Variants in SEM1 observed in about 807,000 individuals in gnomAD.
SEM1 encodes the protein 26S proteasome complex subunit SEM1.
A neutral mutation model predicts 12.7 loss-of-function variants in SEM1; 3 were observed. The ratio of observed to expected loss-of-function variants is 0.24; its 90% CI spans 0.11 to 0.61. SEM1 has a LOEUF of 0.61. Ranked by LOEUF, SEM1 falls within the 20% of genes least tolerant of loss-of-function variation. The pLI is 0.88. For synonymous variants in SEM1, 30 were observed against 27.8 expected, an observed-to-expected ratio of 1.08 and a Z score of -0.25; for missense variants, 59 against 81.3, an observed-to-expected ratio of 0.73 and a Z score of 1.06.
chr7:96,628,956 C>A (rs1386539717), intron 2 of SEM1, among the ~76,000 whole-genome samples: 1 of 152,118 alleles, frequency 6.6e-6, no homozygotes, highest in African/African-American at 2.4e-5. Context: ...CACTTAATTA[C>A]GTCATGCCCC....
chr7:96,483,933 C>G (rs1802647574), exon 4 of SEM1: 1 of 1,536,268 alleles, frequency 6.5e-7, no homozygotes, highest in African/African-American at 1.4e-5. Flanking sequence ...GAACAATCTT[C>G]ACAGTGCACC....
intron 2 of SEM1, among the ~76,000 whole-genome samples, chr7:96,562,514 AAAAATT>A (rs1349776817): frequency 6.6e-6 from 1 of 152,218 alleles, no homozygotes; most frequent in Non-Finnish European, 1.5e-5. Flanking sequence ...GCGCTACGCT[AAAAATT>A]AAAAAATAAT....
rs1166809729 is a variant in SEM1, at chr7:96,709,790, C to G, written c.-27G>C. On this transcript the variant is annotated 5_prime_UTR_variant, in exon 1 of 3. Transcript: ENST00000248566. ...TCGACTGTCCGCGCCCAACACCTCC[C>G]AGATAAGCAGAAAAGTTGGAACCCT... is the stretch of plus-strand genomic sequence containing the variant. 1 of 1,611,550 alleles carries G rather than the reference C, an allele frequency of 6.2e-7. No individual in the cohort carries two copies. The highest frequency in any genetic ancestry group is 1.1e-5 in the South Asian group (1 of 90,984).
chr7:96,690,802 G>A (rs571180868), intron 2 of SEM1, among the ~76,000 whole-genome samples: 4 of 152,106 alleles, frequency 2.6e-5, no homozygotes, highest in East Asian at 3.9e-4. Flanking sequence ...ATGGAGTCTC[G>A]CTCTGTTGCC....
intron 1 of SEM1, among the ~76,000 whole-genome samples, chr7:96,704,405 TATATA>T (rs1298761162): frequency 3.9e-5 from 6 of 152,160 alleles, no homozygotes; most frequent in African/African-American, 1.4e-4. Flanking sequence ...ACAATTATCC[TATATA>T]ATATACTACA....
chr7:96,552,516 G>T (rs1805317672), intron 2 of SEM1, among the ~76,000 whole-genome samples: 1 of 150,114 alleles, frequency 6.7e-6, no homozygotes, highest in South Asian at 2.2e-4. Flanking sequence ...CAAAGGATAT[G>T]AACTCATCAT....
exon 4 of SEM1, chr7:96,483,635 A>G (rs569193660): frequency 6.0e-5 from 32 of 534,888 alleles, no homozygotes; most frequent in African/African-American, 5.5e-4. Flanking sequence ...GTGATGACAG[A>G]GGGAAAGAGC....
At chr7:96,540,603 T>C (rs1336750570) in intron 2 of SEM1, among the ~76,000 whole-genome samples, 2 of 151,838 alleles carry the variant, frequency 1.3e-5, no homozygotes, top group South Asian at 4.1e-4. Context: ...GAAAACACTG[T>C]TACTTTTTAA....
At chr7:96,571,905 G>T (rs1304761657) in intron 2 of SEM1, among the ~76,000 whole-genome samples, 1 of 151,964 alleles carries the variant, frequency 6.6e-6, no homozygotes, top group African/African-American at 2.4e-5. Flanking sequence ...CTGTGAATCC[G>T]TCTGGTCCTG....
chr7:96,612,857 G>A (rs1388301716), intron 2 of SEM1, among the ~76,000 whole-genome samples: 3 of 152,074 alleles, frequency 2.0e-5, no homozygotes, highest in African/African-American at 4.8e-5. Flanking sequence ...GGATGGTCTC[G>A]ATCTCCTGAA....
chr7:96,659,913 C>CAAAA (rs71529826), intron 2 of SEM1, among the ~76,000 whole-genome samples: 7,656 of 66,002 alleles, frequency 0.12, 272 homozygotes, highest in East Asian at 0.16. Context: ...AGTAAGATGG[C>CAAAA]AAAAAAAAAA....
In SEM1 at chr7:96,573,560, A is replaced by G. The variant is rs188471964; in HGVS notation, c.171-66862T>C. ...TGGCTGGATTTGAGATTCTGGGTTG[A>G]AAATTCTTTTCTTTAAGAATGTTGA... On this transcript the variant is annotated intron_variant and NMD_transcript_variant, in intron 2 of 3. Transcript: ENST00000466986. Among the ~76,000 whole-genome samples the G allele has an allele frequency of 2.6e-5, 4 of 152,264 alleles. 1 individual carries two copies. Among genetic ancestry groups the G allele is most frequent in the African/African-American group, 9.6e-5 (4 of 41,558 alleles).
At chr7:96,496,206 A>G (rs1000221308) in intron 1 of SEM1, 1 of 874,124 alleles carries the variant, frequency 1.1e-6, no homozygotes, top group Admixed American at 2.5e-5. Context: ...GTCATAGTAC[A>G]CTCAAGGTAT....
intron 2 of SEM1, among the ~76,000 whole-genome samples, chr7:96,596,768 C>A (rs1334618862): frequency 6.6e-6 from 1 of 152,166 alleles, no homozygotes; most frequent in African/African-American, 2.4e-5. Flanking sequence ...TTCTTTCTCT[C>A]TCTTTTTTGT....
intron 2 of SEM1, among the ~76,000 whole-genome samples, chr7:96,598,507 T>C (rs910549785): frequency 2.6e-5 from 4 of 152,170 alleles, no homozygotes; most frequent in Non-Finnish European, 2.9e-5. Flanking sequence ...ATCCTACTTT[T>C]ACATTTAATT....
At chr7:96,612,950 T>C (rs1807586515) in intron 2 of SEM1, among the ~76,000 whole-genome samples, 1 of 105,294 alleles carries the variant, frequency 9.5e-6, no homozygotes, top group Non-Finnish European at 1.9e-5. Context: ...TAGTTGTTTT[T>C]AATTTAAAAA....
chr7:96,601,464 C>A (rs1242326965), intron 2 of SEM1, among the ~76,000 whole-genome samples: 1 of 151,936 alleles, frequency 6.6e-6, no homozygotes, highest in African/African-American at 2.4e-5. Context: ...TAAACATGAG[C>A]AGTGAGGATG....
chr7:96,608,539 A>T (rs1291838398), intron 2 of SEM1, among the ~76,000 whole-genome samples: 3 of 152,186 alleles, frequency 2.0e-5, no homozygotes, highest in Non-Finnish European at 4.4e-5. Context: ...GCCTTTCCAT[A>T]ATCCCATAAA....
chr7:96,699,302 C>T (rs1292599880), intron 1 of SEM1, among the ~76,000 whole-genome samples: 1 of 152,172 alleles, frequency 6.6e-6, no homozygotes, highest in Non-Finnish European at 1.5e-5. Flanking sequence ...CCTTAGTCCT[C>T]ACCTGAGTTA....
Sources: gnomAD v4.1 joint callset for allele counts (sites outside exome capture counted in the v4.1 genomes callset) on GRCh38, gnomAD v4.1.1 for gene constraint, MANE v1.5 for transcripts, NCBI Gene and HGNC (gene_info 2026-07-23, HGNC 2026-07-21) for gene names.